Variants in CTNNA2 observed in about 807,000 individuals in gnomAD.
The protein encoded by CTNNA2 is catenin alpha 2, also known as catenin alpha-2.
In CTNNA2, 42 loss-of-function variants were observed where a neutral mutation model predicts 101.0. The observed-to-expected ratio is 0.42, with a 90% CI of 0.32 to 0.54. The LOEUF (loss-of-function observed/expected upper bound fraction) is 0.54, where lower values mean the gene tolerates loss of function less well. Among genes scored for constraint, CTNNA2 ranks in the 20% least tolerant of loss-of-function variants. The pLI is 0.14. For missense variants in CTNNA2, 871 were observed against 1,223.1 expected, an observed-to-expected ratio of 0.71 and a Z score of 4.29; for synonymous variants, 450 against 456.4, an observed-to-expected ratio of 0.99 and a Z score of 0.18.
upstream of CTNNA2, among the ~76,000 whole-genome samples, chr2:79,512,117 T>G (rs1054924537): frequency 6.6e-6 from 1 of 152,132 alleles, no homozygotes; most frequent in Admixed American, 6.5e-5. Context: ...ACAGTTACAT[T>G]CCAGCAACAT....
chr2:79,939,845 C>G (rs1436791476), intron 7 of CTNNA2, among the ~76,000 whole-genome samples: 1 of 151,944 alleles, frequency 6.6e-6, no homozygotes, highest in Non-Finnish European at 1.5e-5. Flanking sequence ...GTAATCCCAG[C>G]ACTTTGGGAG....
chr2:80,329,399 T>G (rs1421767014), intron 7 of CTNNA2, among the ~76,000 whole-genome samples: 2 of 152,214 alleles, frequency 1.3e-5, no homozygotes, highest in Non-Finnish European at 2.9e-5. Flanking sequence ...TGGAGAATGA[T>G]CCCATTGCAC....
At position 79,828,469 on chromosome 2, in the gene CTNNA2, T is replaced by C. The variant is rs182448697; in HGVS notation, c.299-29544T>C. Among the ~76,000 whole-genome samples the C allele has an allele frequency of 2.0e-3, 297 of 152,286 alleles. 1 individual carries two copies. Among genetic ancestry groups the C allele is most frequent in the African/African-American group, 6.9e-3 (288 of 41,562 alleles). ...TTCACTGTAAAATGAATGTAGATAA[T>C]TTACTTTTACTATACAGAGTGATGT... On this transcript the variant is annotated intron_variant, in intron 3 of 18. Transcript: ENST00000402739.
At chr2:80,391,200 G>T (rs1677481753) in intron 7 of CTNNA2, among the ~76,000 whole-genome samples, 1 of 150,960 alleles carries the variant, frequency 6.6e-6, no homozygotes, top group Non-Finnish European at 1.5e-5. Flanking sequence ...GTTCCTTGGT[G>T]CCACCTTAAA....
chr2:80,517,716 A>C (rs1689212478), intron 9 of CTNNA2, among the ~76,000 whole-genome samples: 1 of 152,234 alleles, frequency 6.6e-6, no homozygotes, highest in South Asian at 2.1e-4. Context: ...AATGGTGCTC[A>C]GGACAAGTTT....
chr2:79,658,335 G>T (rs1211253656), intron 2 of CTNNA2, among the ~76,000 whole-genome samples: 1 of 151,866 alleles, frequency 6.6e-6, no homozygotes, highest in African/African-American at 2.4e-5. Context: ...GTATTGAAAG[G>T]ACAAGTGAGA....
At chr2:80,175,601 G>A (rs941345809) in intron 7 of CTNNA2, among the ~76,000 whole-genome samples, 1 of 152,106 alleles carries the variant, frequency 6.6e-6, no homozygotes, top group South Asian at 2.1e-4. Flanking sequence ...TGTTGTATTA[G>A]TTTGGGTTGT....
intron 7 of CTNNA2, among the ~76,000 whole-genome samples, chr2:80,127,394 G>A (rs1302377940): frequency 6.6e-6 from 1 of 152,100 alleles, no homozygotes; most frequent in Non-Finnish European, 1.5e-5. Flanking sequence ...AGAATAGATA[G>A]GGAAACTGAC....
chr2:79,682,344 G>A lies in CTNNA2; in HGVS notation c.102+30686G>A, dbSNP rs531419396. Among the ~76,000 whole-genome samples, 3 of 148,110 alleles carry A rather than the reference G, an allele frequency of 2.0e-5. No homozygotes were observed. In the South Asian group the frequency reaches 6.4e-4, roughly 32 times the overall value. Reference sequence around the variant, plus strand: ...GAGAATGGCGGGAACCAGGGAGGCCGAGCTTGCAGTGAGCCGAGATCGCGC... The same window carrying A: ...GAGAATGGCGGGAACCAGGGAGGCCAAGCTTGCAGTGAGCCGAGATCGCGC... On this transcript the variant is annotated intron_variant, in intron 2 of 18. Transcript: ENST00000402739.
At chr2:79,680,850 AG>A (rs1335687976) in intron 2 of CTNNA2, among the ~76,000 whole-genome samples, 1 of 152,216 alleles carries the variant, frequency 6.6e-6, no homozygotes, top group Non-Finnish European at 1.5e-5. Flanking sequence ...ATCAGAGCAA[AG>A]CTTTGCTTGT....
chr2:79,333,000 G>C (rs1471348389), intron 3 of CTNNA2, among the ~76,000 whole-genome samples: 1 of 152,184 alleles, frequency 6.6e-6, no homozygotes, highest in Non-Finnish European at 1.5e-5. Context: ...CATTTGCTCT[G>C]GGAACAACAG....
intron 7 of CTNNA2, among the ~76,000 whole-genome samples, chr2:80,087,502 G>A (rs1211955623): frequency 1.3e-5 from 2 of 152,034 alleles, no homozygotes; most frequent in Non-Finnish European, 2.9e-5. Flanking sequence ...TTTTTCTTGT[G>A]AAGTGGGTCT....
intron 2 of CTNNA2, among the ~76,000 whole-genome samples, chr2:79,246,902 A>C (rs1415908370): frequency 6.6e-6 from 1 of 152,220 alleles, no homozygotes; most frequent in African/African-American, 2.4e-5. Context: ...ATCTGAAAGA[A>C]GAGAGAGAAG....
rs1558666738 is a variant in CTNNA2, at chr2:79,949,389, TAC to T, written c.1056+39594_1056+39595del. ...TTTTATGCAGAAAATGTTAACTTTG[TAC>T]ATATGTTATGTGGAAGACCATTTTA... On this transcript the variant is annotated intron_variant, in intron 7 of 18. Coordinates refer to ENST00000402739, the MANE Select transcript of CTNNA2 (RefSeq NM_001282597.3). 3.3e-5 allele frequency among the ~76,000 whole-genome samples: 5 copies of T among 152,364 alleles called. No homozygotes were observed. The South Asian group carries it at 1.0e-3, about 32-fold the overall frequency.
chr2:79,523,961 T>A (rs1283201149), intron 1 of CTNNA2, among the ~76,000 whole-genome samples: 2 of 152,096 alleles, frequency 1.3e-5, no homozygotes, highest in African/African-American at 4.8e-5. Context: ...TGAATTATAT[T>A]CTCTGGGTAT....
intron 2 of CTNNA2, among the ~76,000 whole-genome samples, chr2:79,669,871 G>A (rs1017647703): frequency 1.5e-4 from 23 of 152,176 alleles, no homozygotes; most frequent in Non-Finnish European, 2.5e-4. Flanking sequence ...GTCCATGGGC[G>A]GCCAGCAAGA....
chr2:79,506,910 C>T (rs1002060525), intron 5 of CTNNA2, among the ~76,000 whole-genome samples: 4 of 152,112 alleles, frequency 2.6e-5, no homozygotes, highest in African/African-American at 7.2e-5. Context: ...CGAGTCACTC[C>T]AGGGCCAGAC....
At chr2:79,982,294 TA>T (rs1298838226) in intron 7 of CTNNA2, among the ~76,000 whole-genome samples, 48 of 137,952 alleles carry the variant, frequency 3.5e-4, no homozygotes, top group Admixed American at 1.6e-3. Flanking sequence ...ATAACATATA[TA>T]ACATATATAA....
chr2:79,602,051 G>C (rs946146783), intron 1 of CTNNA2, among the ~76,000 whole-genome samples: 4 of 115,582 alleles, frequency 3.5e-5, no homozygotes, highest in Non-Finnish European at 6.8e-5. Context: ...TTGAAAAACA[G>C]TTCTGTGGGT....
Sources: allele counts gnomAD v4.1 joint callset (sites outside exome capture counted in the v4.1 genomes callset), GRCh38; gene constraint gnomAD v4.1.1; transcripts MANE v1.5; gene names NCBI Gene and HGNC (gene_info 2026-07-23, HGNC 2026-07-21).